The following USP46 variants were observed in gnomAD, a reference collection of about 807,000 sequenced individuals.
USP46 encodes ubiquitin specific peptidase 46, also known as ubiquitin carboxyl-terminal hydrolase 46.
In USP46, 12 loss-of-function variants were observed where a neutral mutation model predicts 44.4. That is an observed-to-expected ratio of 0.27 (90% CI 0.17 to 0.44). The LOEUF is 0.44. USP46 is among the 20% of genes least tolerant of loss of function. The pLI, the probability that USP46 is intolerant of heterozygous loss-of-function variation, is 1.00. For missense variants in USP46, 248 were observed against 444.8 expected, an observed-to-expected ratio of 0.56 and a Z score of 3.98; for synonymous variants, 155 against 161.5, an observed-to-expected ratio of 0.96 and a Z score of 0.31.
At chr4:52,653,905 C>T (rs910567228) in intron 1 of USP46, among the ~76,000 whole-genome samples, 3 of 152,096 alleles carry the variant, frequency 2.0e-5, no homozygotes, top group Admixed American at 6.5e-5. Flanking sequence ...ATTGAAAATG[C>T]CTTTCAATTA....
At chr4:52,599,768 C>A (rs1300978350) in intron 7 of USP46, among the ~76,000 whole-genome samples, 1 of 152,172 alleles carries the variant, frequency 6.6e-6, no homozygotes, top group Non-Finnish European at 1.5e-5. Context: ...TACCCTCTTT[C>A]AACACAAGAT....
At chr4:52,625,967 C>T (rs1228276573) in intron 4 of USP46, 51 bp downstream of exon 4, 7 of 1,502,288 alleles carry the variant, frequency 4.7e-6, no homozygotes, top group South Asian at 3.6e-5. Flanking sequence ...TGCAACATAG[C>T]GTACATAAAT....
Position 52,595,519 on chromosome 4 carries a change from A to T in USP46, c.*2121T>A, listed in dbSNP as rs1216525316. The T allele has an allele frequency of 1.3e-5, 2 of 152,282 alleles. No individual in the cohort carries two copies. The highest frequency in any genetic ancestry group is 2.9e-5 in the Non-Finnish European group (2 of 68,048). The allele number at this position is 152,282 out of a possible 1,614,324, so 9.4% of individuals were successfully genotyped here. ...TCCAAAAATCTATCCATGAATGCTG[A>T]ATTTTAACTGACTCTTTCTATTAAA... On this transcript the variant is annotated 3_prime_UTR_variant, in exon 9 of 9. Transcript: ENST00000441222.
At chr4:52,641,582 G>T (rs546148578) in intron 1 of USP46, among the ~76,000 whole-genome samples, 5 of 152,182 alleles carry the variant, frequency 3.3e-5, no homozygotes, top group Non-Finnish European at 7.3e-5. Context: ...TGCCCAGAAG[G>T]AGGAAATAAT....
At chr4:52,599,789 A>G (rs1227329991) in intron 7 of USP46, among the ~76,000 whole-genome samples, 1 of 152,098 alleles carries the variant, frequency 6.6e-6, no homozygotes, top group African/African-American at 2.4e-5. Flanking sequence ...GATGGCAATG[A>G]TCTGTTCCTG....
intron 4 of USP46, among the ~76,000 whole-genome samples, chr4:52,614,706 A>G (rs2109613389): frequency 6.6e-6 from 1 of 152,358 alleles, no homozygotes. Context: ...AAATGCATCA[A>G]TAATGATAAA....
At chr4:52,649,687 T>G (rs1389830241) in intron 1 of USP46, among the ~76,000 whole-genome samples, 4 of 152,254 alleles carry the variant, frequency 2.6e-5, no homozygotes, top group African/African-American at 7.2e-5. Context: ...AATTCTTCCA[T>G]TCTACCAAAT....
chr4:52,643,534 C>A (rs1718428040), intron 1 of USP46, among the ~76,000 whole-genome samples: 1 of 152,190 alleles, frequency 6.6e-6, no homozygotes, highest in Non-Finnish European at 1.5e-5. Flanking sequence ...CAGACATTTA[C>A]AGAAAAGCTT....
At chr4:52,622,771 C>A (rs1163489821) in intron 4 of USP46, among the ~76,000 whole-genome samples, 1 of 151,980 alleles carries the variant, frequency 6.6e-6, no homozygotes, top group African/African-American at 2.4e-5. Context: ...CAAGTTGAAA[C>A]CTGAAGAGGA....
chr4:52,603,872 A>G (rs1716575823), intron 6 of USP46, among the ~76,000 whole-genome samples: 1 of 151,978 alleles, frequency 6.6e-6, no homozygotes, highest in African/African-American at 2.4e-5. Context: ...TTTAGTAGAG[A>G]CGGGGTTTCA....
intron 1 of USP46, among the ~76,000 whole-genome samples, chr4:52,632,990 A>AAAAGAAAAGAAAGAAAG (rs1717961084): frequency 1.2e-3 from 77 of 66,200 alleles, no homozygotes; most frequent in South Asian, 1.8e-3. Flanking sequence ...GAAAGAAAAG[A>AAAAGAAAAGAAAGAAAG]AAAGAAAGAA....
chr4:52,597,466 A>C lies in USP46; in HGVS notation c.*174T>G. 1 of 568,260 alleles carries C rather than the reference A, an allele frequency of 1.8e-6. No homozygotes were observed. Among genetic ancestry groups the C allele is most frequent in the Admixed American group, 3.6e-5 (1 of 27,402 alleles). The allele number at this position is 568,260 out of a possible 1,614,324, so 35.2% of individuals were successfully genotyped here. On this transcript the variant is annotated 3_prime_UTR_variant, in exon 9 of 9. Transcript: ENST00000441222. ...CTCTATGTCAGACTGAAATAAAACC[A>C]AGAGTAGTGCTGCATGTAAAAACAC...
rs180855737 is a variant in USP46, at chr4:52,648,672, G to A, written c.36+10443C>T. On this transcript the variant is annotated intron_variant, in intron 1 of 8. Coordinates refer to ENST00000441222, the MANE Select transcript of USP46 (RefSeq NM_022832.4). ...ACTGCCAACCATACAATATGCATTC[G>A]TTCTGAATGTTATTTTTTATTTATT... Among the ~76,000 whole-genome samples the A allele has an allele frequency of 1.4e-3, 215 of 152,190 alleles. 5 individuals are homozygous for A. The East Asian group carries it at 0.038, about 27-fold the overall frequency.
chr4:52,601,411 T>C (rs964110204), intron 7 of USP46, among the ~76,000 whole-genome samples: 1 of 152,174 alleles, frequency 6.6e-6, no homozygotes, highest in Non-Finnish European at 1.5e-5. Context: ...ACAAAGAATA[T>C]TTTTTAAGAA....
intron 4 of USP46, among the ~76,000 whole-genome samples, chr4:52,614,902 T>C (rs1283505431): frequency 6.6e-6 from 1 of 152,204 alleles, no homozygotes; most frequent in Non-Finnish European, 1.5e-5. Flanking sequence ...TATATATTTA[T>C]ATGCTTTCTA....
chr4:52,610,718 T>C (rs1716906605), intron 4 of USP46, 101 bp from the exon 5 acceptor site: 3 of 1,127,640 alleles, frequency 2.7e-6, no homozygotes, highest in South Asian at 2.8e-5. Context: ...AAACCATAAC[T>C]GCAGTTAAAG....
intron 1 of USP46, chr4:52,656,306 T>C: frequency 6.4e-7 from 1 of 1,551,410 alleles, no homozygotes; most frequent in Non-Finnish European, 8.7e-7. Context: ...CTGAAAACAA[T>C]TCATTATTGA....
intron 1 of USP46, among the ~76,000 whole-genome samples, chr4:52,649,574 C>T (rs1014316918): frequency 1.3e-5 from 2 of 152,290 alleles, no homozygotes; most frequent in Admixed American, 6.5e-5. Context: ...GCAAAATCTC[C>T]GCCCTGCCCC....
intron 3 of USP46, among the ~76,000 whole-genome samples, chr4:52,626,469 A>G (rs574649336): frequency 6.6e-6 from 1 of 152,198 alleles, no homozygotes; most frequent in Admixed American, 6.5e-5. Context: ...CTACAGGTGC[A>G]TGCCACCACA....
Sources: gnomAD v4.1 joint callset for allele counts (sites outside exome capture counted in the v4.1 genomes callset) on GRCh38, gnomAD v4.1.1 for gene constraint, MANE v1.5 for transcripts, NCBI Gene and HGNC (gene_info 2026-07-23, HGNC 2026-07-21) for gene names.